The following SVOP variants were observed in gnomAD, a reference collection of about 807,000 sequenced individuals.
SVOP encodes synaptic vesicle 2-related protein.
SVOP carries 17 observed loss-of-function variants against 69.1 expected under a neutral mutation model. The ratio of observed to expected loss-of-function variants is 0.25; its 90% CI spans 0.17 to 0.37. The LOEUF (loss-of-function observed/expected upper bound fraction) is 0.37, where lower values mean the gene tolerates loss of function less well. Among genes scored for constraint, SVOP ranks in the 10% least tolerant of loss-of-function variants. The pLI, the probability that SVOP is intolerant of heterozygous loss-of-function variation, is 1.00. For synonymous variants in SVOP, 238 were observed against 238.6 expected, an observed-to-expected ratio of 1.00 and a Z score of 0.02; for missense variants, 435 against 597.5, an observed-to-expected ratio of 0.73 and a Z score of 2.84.
chr12:108,962,004 T>C (rs2040021002), intron 5 of SVOP, among the ~76,000 whole-genome samples: 1 of 152,196 alleles, frequency 6.6e-6, no homozygotes, highest in Non-Finnish European at 1.5e-5. Flanking sequence ...ATAAAGGCAG[T>C]TTCCTGTGCG....
At chr12:108,935,023 G>T (rs527748185) in intron 10 of SVOP, among the ~76,000 whole-genome samples, 1 of 152,252 alleles carries the variant, frequency 6.6e-6, no homozygotes, top group Admixed American at 6.5e-5. Context: ...CTCTCTTGGG[G>T]TCTGAATCAG....
intron 1 of SVOP, among the ~76,000 whole-genome samples, chr12:109,016,652 G>A (rs1368391902): frequency 2.0e-5 from 3 of 151,916 alleles, no homozygotes; most frequent in African/African-American, 7.3e-5. Flanking sequence ...ATCTCCAGAG[G>A]ATCAGGTCAA....
intron 1 of SVOP, among the ~76,000 whole-genome samples, chr12:109,004,887 A>G (rs1043244307): frequency 6.6e-6 from 1 of 151,586 alleles, no homozygotes; most frequent in African/African-American, 2.4e-5. Flanking sequence ...ACAGGTATCC[A>G]CCACCATGCC....
At chr12:109,001,806 A>G (rs1446933029) in intron 1 of SVOP, among the ~76,000 whole-genome samples, 3 of 152,034 alleles carry the variant, frequency 2.0e-5, no homozygotes, top group East Asian at 1.9e-4. Context: ...ACAAAAATCA[A>G]TTCAAGATGG....
At chr12:109,003,209 G>A (rs1312146329) in intron 1 of SVOP, among the ~76,000 whole-genome samples, 1 of 152,110 alleles carries the variant, frequency 6.6e-6, no homozygotes, top group Non-Finnish European at 1.5e-5. Flanking sequence ...CTTCTGGGGA[G>A]GAGAACTGGA....
chr12:108,944,834 T>C (rs564826038), intron 7 of SVOP, among the ~76,000 whole-genome samples: 1 of 152,292 alleles, frequency 6.6e-6, no homozygotes, highest in South Asian at 2.1e-4. Flanking sequence ...CTATTTCCCG[T>C]TCAAGAAAAA....
intron 1 of SVOP, among the ~76,000 whole-genome samples, chr12:109,004,493 C>T (rs1021671421): frequency 2.0e-5 from 3 of 147,726 alleles, no homozygotes; most frequent in African/African-American, 7.4e-5. Context: ...GCAGCCTCGA[C>T]TTCCCAGGCT....
rs941734357 is a variant in SVOP, at chr12:108,915,864, G to A, written c.1359C>T (p.Pro453=). 2 of 1,604,050 alleles carry A rather than the reference G, an allele frequency of 1.2e-6. No homozygotes were observed. Among genetic ancestry groups the A allele is most frequent in the Non-Finnish European group, 1.7e-6 (2 of 1,175,552 alleles). ...AAYVYTPEVY[P]TATRALGLGT... is the part of the protein sequence containing the mutation. Reference sequence around the variant, plus strand: ...CCAGGCCGAGGGCCCGCGTTGCCGTGGGGTAGACCTGAAACACAGCAGCCG... The same window carrying A: ...CCAGGCCGAGGGCCCGCGTTGCCGTAGGGTAGACCTGAAACACAGCAGCCG... The change falls in exon 15 of 16, where the codon CCC becomes CCT. Residue 453 remains proline, a synonymous_variant. Transcript: ENST00000610966.
At chr12:108,995,511 A>G (rs1013043295) in intron 1 of SVOP, among the ~76,000 whole-genome samples, 1 of 152,222 alleles carries the variant, frequency 6.6e-6, no homozygotes, top group Non-Finnish European at 1.5e-5. Flanking sequence ...AAGGGAGGAT[A>G]GGGAGTTAGT....
chr12:108,958,406 T>C (rs554605683), intron 6 of SVOP, among the ~76,000 whole-genome samples: 2 of 152,204 alleles, frequency 1.3e-5, no homozygotes, highest in South Asian at 4.2e-4. Context: ...TCTGCAGTAT[T>C]TAGCACAGCT....
chr12:108,985,195 C>T (rs976376548), intron 1 of SVOP, among the ~76,000 whole-genome samples: 14 of 150,548 alleles, frequency 9.3e-5, no homozygotes, highest in African/African-American at 2.9e-4. Context: ...CCACTGCATT[C>T]CAGCCTGAGC....
At chr12:108,995,527 A>ATGAGTACAGT (rs2040226391) in intron 1 of SVOP, among the ~76,000 whole-genome samples, 1 of 152,218 alleles carries the variant, frequency 6.6e-6, no homozygotes, top group Non-Finnish European at 1.5e-5. Context: ...TTAGTGTTTA[A>ATGAGTACAGT]TGAGTACAGT....
At position 109,012,397 on chromosome 12, in the gene SVOP, A is replaced by G. The variant is rs149024752; in HGVS notation, c.35+8437T>C. 4.1e-4 allele frequency among the ~76,000 whole-genome samples: 62 copies of G among 152,308 alleles called. No individual in the cohort carries two copies. The East Asian group carries it at 0.012, about 29-fold the overall frequency. On this transcript the variant is annotated intron_variant, in intron 1 of 15. Coordinates refer to ENST00000610966, the MANE Select transcript of SVOP (RefSeq NM_018711.5). ...TTGTATACTTGAAAATTGCTAAGAA[A>G]GGAGATTTTAAGTGTACTCACCACA...
intron 5 of SVOP, among the ~76,000 whole-genome samples, chr12:108,963,266 TATTAAACTGA>T (rs1193081452): frequency 6.6e-6 from 1 of 152,148 alleles, no homozygotes; most frequent in African/African-American, 2.4e-5. Context: ...TGCTTTAAGA[TATTAAACTGA>T]ATTAAAGGAG....
chr12:108,947,810 G>A lies in SVOP; in HGVS notation c.579-2644C>T, dbSNP rs137913103. On this transcript the variant is annotated intron_variant, in intron 6 of 15. Transcript: ENST00000610966. ...AGGCAGGCATCTGAGCTACTAAATGGCCTCATGTTACTCTCCTAGCTCCTC... is the reference window on the plus strand; with the variant it reads ...AGGCAGGCATCTGAGCTACTAAATGACCTCATGTTACTCTCCTAGCTCCTC... Among the ~76,000 whole-genome samples the A allele has an allele frequency of 2.5e-3, 379 of 152,238 alleles. 2 individuals carry two copies. The highest frequency in any genetic ancestry group is 9.0e-3 in the African/African-American group (372 of 41,536).
intron 5 of SVOP, among the ~76,000 whole-genome samples, chr12:108,964,998 T>C (rs1245743176): frequency 6.7e-6 from 1 of 150,054 alleles, no homozygotes; most frequent in Non-Finnish European, 1.5e-5. Flanking sequence ...AAACACATGT[T>C]GAACACATGC....
intron 4 of SVOP, among the ~76,000 whole-genome samples, chr12:108,973,779 T>G (rs2040092251): frequency 6.6e-6 from 1 of 152,160 alleles, no homozygotes; most frequent in Non-Finnish European, 1.5e-5. Flanking sequence ...GTTAGGAGTC[T>G]TCTTCTCCAT....
intron 1 of SVOP, among the ~76,000 whole-genome samples, chr12:108,985,435 G>A (rs1176176451): frequency 6.6e-6 from 1 of 152,188 alleles, no homozygotes; most frequent in African/African-American, 2.4e-5. Context: ...ACTTTGGGAG[G>A]CTGGCGTGAA....
rs1283431373 is a variant in SVOP at position 109,021,042 on chromosome 12, C to T, written c.-174G>A. ...GGGACCAGCCCACGAGACAAAGCCT[C>T]CGCCGCCAGGAGACCGCGGCGAGAG... is the stretch of plus-strand genomic sequence containing the variant. On this transcript the variant is annotated 5_prime_UTR_variant, in exon 1 of 16. Transcript: ENST00000610966. The T allele has an allele frequency of 3.7e-6, 2 of 542,060 alleles. No individual in the cohort carries two copies. Among genetic ancestry groups the T allele is most frequent in the Non-Finnish European group, 6.6e-6 (2 of 303,672 alleles). 33.6% of individuals were successfully genotyped at this position (542,060 alleles called of 1,614,324 possible).
Sources: gnomAD v4.1 joint callset for allele counts (sites outside exome capture counted in the v4.1 genomes callset) on GRCh38, gnomAD v4.1.1 for gene constraint, MANE v1.5 for transcripts, NCBI Gene and HGNC (gene_info 2026-07-23, HGNC 2026-07-21) for gene names.